LRRC4C: variants seen among roughly 807,000 people sequenced by gnomAD.
LRRC4C encodes the protein leucine-rich repeat-containing protein 4C.
LRRC4C carries 5 observed loss-of-function variants against 33.6 expected under a neutral mutation model. That is an observed-to-expected ratio of 0.15 (90% confidence interval 0.08 to 0.31). The LOEUF (loss-of-function observed/expected upper bound fraction) is 0.31, where lower values mean the gene tolerates loss of function less well. Ranked by LOEUF, LRRC4C falls within the 10% of genes least tolerant of loss-of-function variation. The pLI, the probability that LRRC4C is intolerant of heterozygous loss-of-function variation, is 1.00. For synonymous variants in LRRC4C, 329 were observed against 302.0 expected (o/e 1.09, Z -0.93); for missense variants, 560 against 796.7 (o/e 0.70, Z 3.58).
chr11:41,446,155 C>G (rs1044910077), intron 1 of LRRC4C, among the ~76,000 whole-genome samples: 3 of 152,172 alleles, frequency 2.0e-5, no homozygotes, highest in African/African-American at 7.2e-5. Flanking sequence ...TATCCATTCA[C>G]TCTACCAGGT....
intron 2 of LRRC4C, among the ~76,000 whole-genome samples, chr11:40,811,198 C>T (rs1395195359): frequency 6.6e-6 from 1 of 152,048 alleles, no homozygotes; most frequent in Non-Finnish European, 1.5e-5. Flanking sequence ...ACACAGATCT[C>T]ACTTCAAATG....
intron 1 of LRRC4C, among the ~76,000 whole-genome samples, chr11:41,404,535 G>GACACACAC (rs138726744): frequency 2.7e-5 from 1 of 37,296 alleles, no homozygotes; most frequent in African/African-American, 9.8e-5. Context: ...AAGACACACA[G>GACACACAC]ACACACACAC....
At chr11:40,686,544 A>C (rs1289145537) in intron 2 of LRRC4C, among the ~76,000 whole-genome samples, 1 of 152,000 alleles carries the variant, frequency 6.6e-6, no homozygotes, top group Non-Finnish European at 1.5e-5. Context: ...GTGATTCTCT[A>C]ATAGGTAGCC....
intron 3 of LRRC4C, among the ~76,000 whole-genome samples, chr11:40,521,959 T>C (rs1955834433): frequency 6.6e-6 from 1 of 152,162 alleles, no homozygotes; most frequent in Admixed American, 6.5e-5. Flanking sequence ...GGTAAACATT[T>C]GCAGGAAGTT....
chr11:40,528,067 A>G (rs1022809458), intron 3 of LRRC4C, among the ~76,000 whole-genome samples: 1 of 152,174 alleles, frequency 6.6e-6, no homozygotes, highest in Non-Finnish European at 1.5e-5. Context: ...TTATCTGTCT[A>G]TGGATATAAG....
intron 4 of LRRC4C, among the ~76,000 whole-genome samples, chr11:40,276,994 A>G (rs1029651102): frequency 3.3e-5 from 5 of 152,068 alleles, no homozygotes; most frequent in Non-Finnish European, 7.4e-5. Context: ...TGCCTCTCCC[A>G]TGTACCATCC....
At chr11:41,174,301 A>C (rs1283538297) in intron 1 of LRRC4C, among the ~76,000 whole-genome samples, 2 of 152,222 alleles carry the variant, frequency 1.3e-5, no homozygotes, top group African/African-American at 2.4e-5. Flanking sequence ...TCTCTAGCTA[A>C]AATTTTAGAC....
intron 1 of LRRC4C, among the ~76,000 whole-genome samples, chr11:41,302,911 C>A (rs986200926): frequency 6.6e-6 from 1 of 152,106 alleles, no homozygotes; most frequent in Non-Finnish European, 1.5e-5. Flanking sequence ...TCTCTGTTTG[C>A]AAAATATTAT....
intron 3 of LRRC4C, among the ~76,000 whole-genome samples, chr11:40,592,960 C>T (rs922071939): frequency 1.1e-4 from 16 of 152,126 alleles, no homozygotes; most frequent in African/African-American, 3.9e-4. Context: ...CAAGAGTGTC[C>T]TTGAACTAAT....
At chr11:41,391,176 T>C (rs1953577564) in intron 1 of LRRC4C, among the ~76,000 whole-genome samples, 1 of 151,818 alleles carries the variant, frequency 6.6e-6, no homozygotes, top group African/African-American at 2.4e-5. Context: ...TGGTTTAAGG[T>C]AACATTTCTC....
chr11:40,625,320 A>G (rs964565433), intron 3 of LRRC4C, among the ~76,000 whole-genome samples: 1 of 152,180 alleles, frequency 6.6e-6, no homozygotes, highest in Non-Finnish European at 1.5e-5. Flanking sequence ...CTTACAAACA[A>G]AAAGATGTTT....
At chr11:40,222,199 GAC>G (rs1864471116) in intron 5 of LRRC4C, among the ~76,000 whole-genome samples, 2 of 152,116 alleles carry the variant, frequency 1.3e-5, no homozygotes, top group South Asian at 4.2e-4. Flanking sequence ...CCCCATGACT[GAC>G]ACTCAGGAGT....
At position 40,178,083 on chromosome 11, in the gene LRRC4C, T is replaced by C. The variant is rs1039343327; in HGVS notation, c.-95-37230A>G. Among the ~76,000 whole-genome samples, 31 of 152,226 alleles carry C rather than the reference T, an allele frequency of 2.0e-4. 1 individual carries two copies. Among genetic ancestry groups the C allele is most frequent in the Non-Finnish European group, 2.9e-5 (2 of 68,046 alleles). On this transcript the variant is annotated intron_variant, in intron 5 of 6. Coordinates refer to ENST00000528697, the MANE Select transcript of LRRC4C (RefSeq NM_001258419.2). ...GAGTATAGGGCTCTATCAGCTTTTATGTTAGTATTTTATTACTGATGTCAA... is the reference window on the plus strand; with the variant it reads ...GAGTATAGGGCTCTATCAGCTTTTACGTTAGTATTTTATTACTGATGTCAA...
Position 40,332,419 on chromosome 11 carries a change from A to G in LRRC4C, c.-269-12698T>C, listed in dbSNP as rs570981559. Among the ~76,000 whole-genome samples, 4 of 152,302 alleles carry G rather than the reference A, an allele frequency of 2.6e-5. No homozygotes were observed. The South Asian group carries it at 8.3e-4, about 32-fold the overall frequency. On this transcript the variant is annotated intron_variant, in intron 3 of 6. Coordinates refer to ENST00000528697, the MANE Select transcript of LRRC4C (RefSeq NM_001258419.2). ...TTTTAAGACACCAGTCATTGGAGTT[A>G]GGGCCCACCTAAATCCTGATCTCAT...
At chr11:40,768,806 T>C (rs11036068) in intron 2 of LRRC4C, among the ~76,000 whole-genome samples, 33,990 of 151,832 alleles carry the variant, frequency 0.22, 3,988 homozygotes, top group Non-Finnish European at 0.26. Flanking sequence ...GATAAAAACC[T>C]TTAAAAGACT....
intron 3 of LRRC4C, among the ~76,000 whole-genome samples, chr11:40,473,238 A>T (rs887393832): frequency 6.6e-6 from 1 of 152,214 alleles, no homozygotes; most frequent in Non-Finnish European, 1.5e-5. Context: ...GCAGCACATC[A>T]AAAAGCTTAT....
chr11:41,165,064 C>T (rs895390591), intron 1 of LRRC4C, among the ~76,000 whole-genome samples: 6 of 152,122 alleles, frequency 3.9e-5, no homozygotes, highest in South Asian at 2.1e-4. Context: ...TGCAACGTGA[C>T]GTTTTGACCT....
chr11:40,585,846 C>G (rs1028259036), intron 3 of LRRC4C, among the ~76,000 whole-genome samples: 2 of 135,486 alleles, frequency 1.5e-5, no homozygotes, highest in African/African-American at 5.3e-5. Context: ...TGTATATGTG[C>G]CAAATTTTCT....
rs949980344 is a variant in LRRC4C at position 41,442,996 on chromosome 11, G to A, written c.-496+16435C>T. ...TGATTTCAGAAAGCATAAGGGTATT[G>A]CTATGAAATGGTAGAGCTTATACTT... is the stretch of plus-strand genomic sequence containing the variant. On this transcript the variant is annotated intron_variant, in intron 1 of 6. Transcript: ENST00000528697. 7.3e-5 allele frequency among the ~76,000 whole-genome samples: 11 copies of A among 151,682 alleles called. No individual in the cohort carries two copies. In the East Asian group the frequency reaches 2.1e-3, roughly 29 times the overall value.
Sources: gnomAD v4.1 joint callset for allele counts (sites outside exome capture counted in the v4.1 genomes callset) on GRCh38, gnomAD v4.1.1 for gene constraint, MANE v1.5 for transcripts, NCBI Gene and HGNC (gene_info 2026-07-23, HGNC 2026-07-21) for gene names.